Variants in PTPRS observed in about 807,000 individuals in gnomAD.
The protein encoded by PTPRS is receptor-type tyrosine-protein phosphatase S.
PTPRS carries 63 observed loss-of-function variants against 215.3 expected under a neutral mutation model. That is an observed-to-expected ratio of 0.29 (90% CI 0.24 to 0.36). The LOEUF is 0.36. Ranked by LOEUF, PTPRS falls within the 10% of genes least tolerant of loss-of-function variation. The pLI, the probability that PTPRS is intolerant of heterozygous loss-of-function variation, is 1.00. For missense variants in PTPRS, 2,258 were observed against 2,825.8 expected (o/e 0.80, Z 4.56); for synonymous variants, 1,404 against 1,191.4 (o/e 1.18, Z -3.68).
At chr19:5,317,927 G>T (rs996473687) in intron 1 of PTPRS, among the ~76,000 whole-genome samples, 1 of 152,130 alleles carries the variant, frequency 6.6e-6, no homozygotes, top group African/African-American at 2.4e-5. Flanking sequence ...ATCCCAGCAC[G>T]TTGGGATGCC....
Position 5,223,227 on chromosome 19 carries a change from C to T in PTPRS, c.2565G>A (p.Pro855=), listed in dbSNP as rs768464321. Residue 855 remains proline (P), a synonymous_variant, in exon 18 of 38, where the codon CCG becomes CCA. Transcript: ENST00000262963. ...GCACCTGGTCCTCCGCGGTGCCAGC[C>T]GGGGGCTCCCAGCGTGCCAGCAGGC... The part of the protein sequence containing the change: ...EGSLLARWEP[P]AGTAEDQVLG... 4.7e-6 allele frequency: 7 copies of T among 1,494,208 alleles called. No homozygotes were observed. The highest frequency in any genetic ancestry group is 2.5e-5 in the East Asian group (1 of 40,240). The allele number at this position is 1,494,208 out of a possible 1,614,324, so 92.6% of individuals were successfully genotyped here.
intron 1 of PTPRS, among the ~76,000 whole-genome samples, chr19:5,336,122 AATTGATTTTT>A (rs2050491437): frequency 6.6e-6 from 1 of 151,644 alleles, no homozygotes; most frequent in Non-Finnish European, 1.5e-5. Flanking sequence ...AGTGTAAGCC[AATTGATTTTT>A]CAAATTCCCC....
chr19:5,291,522 A>G (rs940515325), intron 1 of PTPRS, among the ~76,000 whole-genome samples: 1 of 151,922 alleles, frequency 6.6e-6, no homozygotes, highest in Admixed American at 6.6e-5. Context: ...TCACACACCC[A>G]CGGGGGCTCC....
At position 5,244,911 on chromosome 19, in the gene PTPRS, G is replaced by A. The variant is rs1023390184; in HGVS notation, c.989-429C>T. On this transcript the variant is annotated intron_variant, in intron 10 of 37. Coordinates refer to ENST00000262963, the MANE Select transcript of PTPRS (RefSeq NM_002850.4). The surrounding 1 kb of genome is among the most constrained non-coding windows in gnomAD (Gnocchi z 7.2). ...TCTCGATCTCCTGACCTCGTGATCCGCCCGCCTCGGCCTCCCGAAGTGCTG... is the reference window on the plus strand; with the variant it reads ...TCTCGATCTCCTGACCTCGTGATCCACCCGCCTCGGCCTCCCGAAGTGCTG... 2.6e-4 allele frequency among the ~76,000 whole-genome samples: 40 copies of A among 151,766 alleles called. No homozygotes were observed. Among genetic ancestry groups the A allele is most frequent in the Non-Finnish European group, 4.0e-4 (27 of 67,956 alleles).
chr19:5,276,007 T>C (rs1002831352), intron 2 of PTPRS, among the ~76,000 whole-genome samples: 1 of 152,102 alleles, frequency 6.6e-6, no homozygotes, highest in Non-Finnish European at 1.5e-5. Context: ...TCAACCACCA[T>C]ACCCAGCTCT....
intron 9 of PTPRS, among the ~76,000 whole-genome samples, chr19:5,249,053 G>A (rs1232149572): frequency 1.3e-5 from 2 of 152,228 alleles, no homozygotes; most frequent in Non-Finnish European, 2.9e-5. Flanking sequence ...GCTCATGCCT[G>A]TGATCCCAGC....
intron 4 of PTPRS, among the ~76,000 whole-genome samples, chr19:5,268,198 TTAATTAAA>T (rs1258556449): frequency 1.3e-5 from 2 of 151,826 alleles, no homozygotes; most frequent in Admixed American, 6.6e-5. Flanking sequence ...AATTAATTAA[TTAATTAAA>T]TAAAGTTTTA....
intron 12 of PTPRS, 90 bp from the exon 13 acceptor site, chr19:5,239,153 A>C: frequency 2.4e-5 from 16 of 665,962 alleles, no homozygotes; most frequent in East Asian, 9.0e-5. Flanking sequence ...ACAGAAACAG[A>C]GGGGGGAGGG....
chr19:5,233,057 T>C (rs2043148487), intron 13 of PTPRS, among the ~76,000 whole-genome samples: 1 of 149,074 alleles, frequency 6.7e-6, no homozygotes, highest in Admixed American at 6.7e-5. Context: ...AAGCTCCAAT[T>C]ATTGGGTACC....
chr19:5,232,770 G>GGCATTGTGGTAAT (rs1161113168), intron 13 of PTPRS, among the ~76,000 whole-genome samples: 1 of 150,854 alleles, frequency 6.6e-6, no homozygotes, highest in Non-Finnish European at 1.5e-5. Context: ...ATTGTGGTAA[G>GGCATTGTGGTAAT]GCATTGTGCT....
At chr19:5,215,457 G>A (rs749705934) in intron 27 of PTPRS, 41 bp downstream of exon 27, 1 of 1,609,294 alleles carries the variant, frequency 6.2e-7, no homozygotes. Flanking sequence ...AGGTGCCTGT[G>A]AGGCCGAGGT....
chr19:5,321,629 C>T (rs1158543813), intron 1 of PTPRS, among the ~76,000 whole-genome samples: 2 of 152,228 alleles, frequency 1.3e-5, no homozygotes, highest in Non-Finnish European at 2.9e-5. Context: ...CCTCAGATGT[C>T]TCATTTCCAG....
At chr19:5,234,964 A>T (rs2043315969) in intron 13 of PTPRS, among the ~76,000 whole-genome samples, 1 of 142,796 alleles carries the variant, frequency 7.0e-6, no homozygotes, top group African/African-American at 2.6e-5. Context: ...TTTTTTTGAG[A>T]CAGTCTTGCT....
At chr19:5,280,901 C>T (rs186687617) in intron 2 of PTPRS, among the ~76,000 whole-genome samples, 72 of 151,690 alleles carry the variant, frequency 4.7e-4, no homozygotes, top group African/African-American at 1.6e-3. Context: ...AAGTGGTTCT[C>T]CTAACTCAGC....
Position 5,219,473 on chromosome 19 carries a change from G to T in PTPRS, c.3766-6C>A. The T allele has an allele frequency of 6.4e-7, 1 of 1,562,222 alleles. No homozygotes were observed. ...AAGGGACTGGCTGCAAAGGTCTGCA[G>T]GGAAAGGAGGGGGGTCTCCATCAGT... On this transcript the variant is annotated splice_polypyrimidine_tract_variant and splice_region_variant and intron_variant, in intron 22 of 37. Transcript: ENST00000262963.
At chr19:5,270,565 C>T (rs1319832054) in intron 4 of PTPRS, among the ~76,000 whole-genome samples, 1 of 152,174 alleles carries the variant, frequency 6.6e-6, no homozygotes, top group Non-Finnish European at 1.5e-5. Flanking sequence ...TTGACTTGGC[C>T]TCCCGAAGTG....
intron 16 of PTPRS, among the ~76,000 whole-genome samples, chr19:5,228,970 A>G (rs1002515965): frequency 1.3e-5 from 2 of 152,208 alleles, no homozygotes; most frequent in African/African-American, 4.8e-5. Context: ...AGACATACTC[A>G]CAGGAGAAAT....
rs2050626915 is a variant in PTPRS, at chr19:5,339,770, C to T, written c.-95+894G>A. Among the ~76,000 whole-genome samples the T allele has an allele frequency of 6.6e-6, 1 of 151,704 alleles. No homozygotes were observed. The highest frequency in any genetic ancestry group is 6.5e-5 in the Admixed American group (1 of 15,278). ...GACGTCACCTCCCCTCCCCCCGCAG[C>T]CCCCGGGGGCTCCCGGGGCGTGCGG... On this transcript the variant is annotated intron_variant, in intron 1 of 37. Transcript: ENST00000262963. The surrounding 1 kb of genome is among the most constrained non-coding windows in gnomAD (Gnocchi z 4.2).
chr19:5,309,675 G>A (rs1231124287), intron 1 of PTPRS, among the ~76,000 whole-genome samples: 2 of 152,118 alleles, frequency 1.3e-5, no homozygotes, highest in African/African-American at 4.8e-5. Context: ...CCGATGTTCA[G>A]GACAGAGGCC....
Sources: gnomAD v4.1 joint callset for allele counts (sites outside exome capture counted in the v4.1 genomes callset) on GRCh38, gnomAD v4.1.1 for gene constraint, Gnocchi (gnomAD v3.1) non-coding constraint, MANE v1.5 for transcripts, NCBI Gene and HGNC (gene_info 2026-07-23, HGNC 2026-07-21) for gene names.